MBTPS1: variants seen among roughly 807,000 people sequenced by gnomAD.
MBTPS1 encodes the protein membrane-bound transcription factor site-1 protease.
MBTPS1 carries 94 observed loss-of-function variants against 127.8 expected under a neutral mutation model. That is an observed-to-expected ratio of 0.74 (90% CI 0.62 to 0.87). MBTPS1 has a LOEUF of 0.87. Among genes scored for constraint, MBTPS1 ranks in the 40% least tolerant of loss-of-function variants. The pLI, the probability that MBTPS1 is intolerant of heterozygous loss-of-function variation, is 0.00. For synonymous variants in MBTPS1, 632 were observed against 509.4 expected (o/e 1.24, Z -3.24); for missense variants, 1,636 against 1,353.2 (o/e 1.21, Z -3.28).
intron 7 of MBTPS1, among the ~76,000 whole-genome samples, chr16:84,091,349 G>C (rs1009572634): frequency 3.3e-5 from 5 of 152,074 alleles, no homozygotes; most frequent in African/African-American, 1.2e-4. Flanking sequence ...AGCCGGGCAT[G>C]GTGGTGTGCA....
intron 18 of MBTPS1, among the ~76,000 whole-genome samples, chr16:84,065,329 G>C (rs989190143): frequency 6.6e-6 from 1 of 152,138 alleles, no homozygotes; most frequent in Non-Finnish European, 1.5e-5. Flanking sequence ...GTGTTAGCCA[G>C]GATGGTCTCG....
intron 19 of MBTPS1, among the ~76,000 whole-genome samples, chr16:84,062,700 T>C (rs1423354055): frequency 6.6e-6 from 1 of 152,042 alleles, no homozygotes; most frequent in Non-Finnish European, 1.5e-5. Context: ...ATGAGAAAAA[T>C]AGTCTGTGCC....
chr16:84,097,969 TGAAA>T (rs1397831008), intron 3 of MBTPS1, among the ~76,000 whole-genome samples: 2 of 152,010 alleles, frequency 1.3e-5, no homozygotes, highest in Non-Finnish European at 2.9e-5. Context: ...TTCCTTCTGA[TGAAA>T]GAAATGATCG....
At chr16:84,099,985 C>A (rs945079459) in intron 2 of MBTPS1, among the ~76,000 whole-genome samples, 2 of 152,164 alleles carry the variant, frequency 1.3e-5, no homozygotes, top group African/African-American at 4.8e-5. Context: ...AAAACAGTAA[C>A]AAAATTCCAG....
chr16:84,062,606 G>A (rs2085629659), intron 19 of MBTPS1, among the ~76,000 whole-genome samples: 1 of 152,120 alleles, frequency 6.6e-6, no homozygotes, highest in Non-Finnish European at 1.5e-5. Flanking sequence ...CGCATTAGAA[G>A]GTTGCCTTTC....
In MBTPS1 at chr16:84,070,764, G is replaced by A. The variant is rs1218070500; in HGVS notation, c.1606C>T (p.Pro536Ser). The change falls in exon 13 of 23, where the codon CCC becomes TCC. Residue 536 changes from proline to serine, a missense_variant. Pro to Ser is a moderately conservative substitution (Grantham distance 74). Transcript: ENST00000343411. ...TTGTCTCCGTTCTGTGGCAAATAGG[G>A]CTGCCAGTCAGGCTGCAGGAAAAAG... ...GRIVDKPDWQ[P>S]YLPQNGDNIE... 6 of 1,608,008 alleles carry A rather than the reference G, an allele frequency of 3.7e-6. No individual in the cohort carries two copies. Among genetic ancestry groups the A allele is most frequent in the Non-Finnish European group, 3.4e-6 (4 of 1,176,654 alleles).
At chr16:84,071,952 C>A (rs924953827) in intron 12 of MBTPS1, 2 of 152,182 alleles carry the variant, frequency 1.3e-5, no homozygotes, top group Admixed American at 1.3e-4. Flanking sequence ...AAACAGAATT[C>A]GTAAACACAA....
intron 17 of MBTPS1, 130 bp downstream of exon 17, chr16:84,066,359 G>T: frequency 2.2e-6 from 2 of 919,668 alleles, no homozygotes; most frequent in African/African-American, 1.7e-5. Context: ...TGAAAATACT[G>T]GTGAGTTCTT....
chr16:84,099,511 C>G (rs1038181938), intron 2 of MBTPS1, among the ~76,000 whole-genome samples: 3 of 152,098 alleles, frequency 2.0e-5, no homozygotes, highest in African/African-American at 7.2e-5. Context: ...TGGGGCTGGG[C>G]GCGGTGGCTC....
intron 11 of MBTPS1, among the ~76,000 whole-genome samples, chr16:84,077,481 A>T (rs1234320465): frequency 6.6e-6 from 1 of 152,198 alleles, no homozygotes; most frequent in Non-Finnish European, 1.5e-5. Flanking sequence ...CAGTATCTCA[A>T]ATCACTGGGG....
chr16:84,070,571 T>G lies in MBTPS1; in HGVS notation c.1782+17A>C, dbSNP rs2085755112. 6.2e-7 allele frequency: 1 copy of G among 1,608,674 alleles called. No individual in the cohort carries two copies. Among genetic ancestry groups the G allele is most frequent in the African/African-American group, 1.3e-5 (1 of 74,628 alleles). ...CAAACAGCTAAGAAAACAAGCCACT[T>G]TCCCGCATATCCCTACCTCTGTCTC... On this transcript the variant is annotated intron_variant, in intron 13 of 22. Transcript: ENST00000343411.
intron 13 of MBTPS1, 152 bp from the exon 14 acceptor site, chr16:84,070,190 A>AT: frequency 1.4e-6 from 1 of 694,192 alleles, no homozygotes; most frequent in Non-Finnish European, 2.3e-6. Flanking sequence ...TTCATGTATC[A>AT]TAACTAAGTC....
intron 15 of MBTPS1, among the ~76,000 whole-genome samples, 173 bp downstream of exon 15, chr16:84,068,166 C>A (rs1179259943): frequency 6.6e-6 from 1 of 152,250 alleles, no homozygotes; most frequent in South Asian, 2.1e-4. Context: ...AGCTGAATGT[C>A]ACACCGCCAC....
At position 84,074,751 on chromosome 16, in the gene MBTPS1, A is replaced by G; in HGVS notation, c.1449-10T>C. 6.2e-7 allele frequency: 1 copy of G among 1,612,200 alleles called. No homozygotes were observed. Among genetic ancestry groups the G allele is most frequent in the Non-Finnish European group, 8.5e-7 (1 of 1,178,882 alleles). On this transcript the variant is annotated splice_polypyrimidine_tract_variant and intron_variant, in intron 11 of 22. Transcript: ENST00000343411. ...GTAGCTGGGGCTCAAACTGAAATAA[A>G]GAATACAGTGTTAGAGTAGATCATA...
intron 3 of MBTPS1, among the ~76,000 whole-genome samples, chr16:84,097,524 G>A (rs1279543127): frequency 1.3e-5 from 2 of 152,190 alleles, no homozygotes; most frequent in Non-Finnish European, 2.9e-5. Context: ...AGTGGAGATG[G>A]TGTCCATGGG....
rs1034963497 is a variant in MBTPS1 at position 84,066,664 on chromosome 16, T to C, written c.2229-51A>G. 3.8e-6 allele frequency: 6 copies of C among 1,582,860 alleles called. No individual in the cohort carries two copies. The Admixed American group carries it at 5.1e-5, about 13-fold the overall frequency. On this transcript the variant is annotated intron_variant, in intron 16 of 22. Transcript: ENST00000343411. ...GGGAACAGGGAATGAAGACACTCCA[T>C]ACACAGTTATTTAGTCTCTGTGACA...
intron 8 of MBTPS1, among the ~76,000 whole-genome samples, chr16:84,090,602 T>G (rs571459527): frequency 6.1e-4 from 93 of 152,340 alleles, no homozygotes; most frequent in South Asian, 1.5e-3. Context: ...AATAAAAACT[T>G]TAGGCCTCTA....
At chr16:84,110,027 A>C (rs559272154) in intron 1 of MBTPS1, among the ~76,000 whole-genome samples, 1 of 152,326 alleles carries the variant, frequency 6.6e-6, no homozygotes, top group South Asian at 2.1e-4. Context: ...GCCTGTTTCC[A>C]AAACAGGCAG....
At chr16:84,061,023 G>C (rs1357800681) in intron 19 of MBTPS1, 1 of 389,860 alleles carries the variant, frequency 2.6e-6, no homozygotes, top group Non-Finnish European at 4.7e-6. Flanking sequence ...TGCAGAAATG[G>C]GTCTGGCTGG....
Sources: gnomAD v4.1 joint callset for allele counts (sites outside exome capture counted in the v4.1 genomes callset) on GRCh38, gnomAD v4.1.1 for gene constraint, MANE v1.5 for transcripts, NCBI Gene and HGNC (gene_info 2026-07-23, HGNC 2026-07-21) for gene names.